KCND3: variants seen among roughly 807,000 people sequenced by gnomAD.
KCND3 encodes the protein A-type voltage-gated potassium channel KCND3.
In KCND3, 9 loss-of-function variants were observed where a neutral mutation model predicts 51.1. The observed-to-expected ratio is 0.18, with a 90% CI of 0.11 to 0.31. The LOEUF (loss-of-function observed/expected upper bound fraction) is 0.31, where lower values mean the gene tolerates loss of function less well. KCND3 is among the 10% of genes least tolerant of loss of function. The pLI is 1.00. For missense variants in KCND3, 526 were observed against 903.8 expected, an observed-to-expected ratio of 0.58 and a Z score of 5.36; for synonymous variants, 349 against 368.0, an observed-to-expected ratio of 0.95 and a Z score of 0.59.
At chr1:111,858,763 A>G (rs1413544883) in intron 2 of KCND3, among the ~76,000 whole-genome samples, 1 of 152,034 alleles carries the variant, frequency 6.6e-6, no homozygotes, top group Non-Finnish European at 1.5e-5. Flanking sequence ...AAGGCCTTCC[A>G]TGATCTGACT....
chr1:111,788,894 AC>A (rs1478167909), intron 2 of KCND3, among the ~76,000 whole-genome samples: 2 of 152,250 alleles, frequency 1.3e-5, no homozygotes, highest in African/African-American at 4.8e-5. Context: ...ATACAGCTCC[AC>A]AAACAATAGA....
chr1:111,972,713 T>A (rs1054282579), intron 2 of KCND3, among the ~76,000 whole-genome samples: 2 of 152,206 alleles, frequency 1.3e-5, no homozygotes, highest in African/African-American at 4.8e-5. Flanking sequence ...TCTTGTACAC[T>A]CTCATGGACA....
intron 2 of KCND3, among the ~76,000 whole-genome samples, chr1:111,789,111 C>G (rs919619928): frequency 6.6e-6 from 1 of 152,204 alleles, no homozygotes; most frequent in Non-Finnish European, 1.5e-5. Context: ...GAAAATAAAG[C>G]ATGGCAGGAG....
chr1:111,937,795 C>T (rs1672294589), intron 2 of KCND3, among the ~76,000 whole-genome samples: 1 of 152,200 alleles, frequency 6.6e-6, no homozygotes, highest in Non-Finnish European at 1.5e-5. Context: ...TCCATCCATT[C>T]CCTGGGTAGG....
chr1:111,872,415 G>A (rs1668863947), intron 2 of KCND3, among the ~76,000 whole-genome samples: 3 of 152,182 alleles, frequency 2.0e-5, no homozygotes, highest in Admixed American at 2.0e-4. Context: ...TAAATCCAAT[G>A]TTTTCTAAAT....
rs191525680 is a variant in KCND3 at position 111,965,207 on chromosome 1, G to C, written c.1106+16414C>G. Among the ~76,000 whole-genome samples the C allele has an allele frequency of 2.3e-3, 356 of 151,968 alleles. 4 individuals carry two copies. The highest frequency in any genetic ancestry group is 8.3e-3 in the African/African-American group (345 of 41,428). The stretch of plus-strand genomic sequence containing the variant: ...ACAGAGTTGCTTTCTGAGTAAAAGG[G>C]GTGTGGAGGTTGGGTCAGAGGCTCA... On this transcript the variant is annotated intron_variant, in intron 2 of 7. Coordinates refer to ENST00000302127, the MANE Select transcript of KCND3 (RefSeq NM_001378969.1).
At chr1:111,912,111 C>T (rs1013644974) in intron 2 of KCND3, among the ~76,000 whole-genome samples, 5 of 152,228 alleles carry the variant, frequency 3.3e-5, no homozygotes, top group Non-Finnish European at 7.3e-5. Flanking sequence ...AAAGAACCAT[C>T]GCAAAGCACT....
At chr1:111,866,464 C>T (rs1668576948) in intron 2 of KCND3, among the ~76,000 whole-genome samples, 1 of 151,910 alleles carries the variant, frequency 6.6e-6, no homozygotes, top group African/African-American at 2.4e-5. Flanking sequence ...AGAGTTTTGC[C>T]ATGTTGCCCA....
At chr1:111,783,199 CAAAAAA>C (rs67241053) in intron 3 of KCND3, among the ~76,000 whole-genome samples, 80 of 72,340 alleles carry the variant, frequency 1.1e-3, no homozygotes, top group Non-Finnish European at 2.0e-3. Context: ...AATTCAAAGA[CAAAAAA>C]AAAAAAAAAA....
intron 2 of KCND3, among the ~76,000 whole-genome samples, chr1:111,826,441 A>G (rs886383675): frequency 6.6e-6 from 1 of 152,132 alleles, no homozygotes. Flanking sequence ...CTTGACTTTC[A>G]ACTTTCAGGT....
intron 2 of KCND3, among the ~76,000 whole-genome samples, chr1:111,900,571 C>G (rs1670336844): frequency 6.6e-6 from 1 of 152,188 alleles, no homozygotes; most frequent in Non-Finnish European, 1.5e-5. Context: ...GAGTCTATTT[C>G]CTCATCTGTA....
At chr1:111,796,226 A>G (rs1016874747) in intron 2 of KCND3, among the ~76,000 whole-genome samples, 1 of 152,080 alleles carries the variant, frequency 6.6e-6, no homozygotes, top group Non-Finnish European at 1.5e-5. Context: ...CTTTCGTTGC[A>G]ATTACTTTCG....
chr1:111,877,602 A>G (rs1343330494), intron 2 of KCND3, among the ~76,000 whole-genome samples: 1 of 152,242 alleles, frequency 6.6e-6, no homozygotes. Flanking sequence ...ATCTCGTGCC[A>G]CAAGGGTCAA....
chr1:111,963,736 G>A (rs1286702169), intron 2 of KCND3, among the ~76,000 whole-genome samples: 1 of 152,230 alleles, frequency 6.6e-6, no homozygotes, highest in Non-Finnish European at 1.5e-5. Flanking sequence ...GACCTCAGGA[G>A]AGACTTCCTG....
At chr1:111,783,354 A>G (rs1664471426) in intron 3 of KCND3, among the ~76,000 whole-genome samples, 1 of 152,160 alleles carries the variant, frequency 6.6e-6, no homozygotes, top group Non-Finnish European at 1.5e-5. Flanking sequence ...TTCCACCATC[A>G]GACAAGTTTC....
intron 2 of KCND3, among the ~76,000 whole-genome samples, chr1:111,789,971 A>G (rs961132733): frequency 2.0e-5 from 3 of 152,190 alleles, no homozygotes; most frequent in African/African-American, 7.2e-5. Flanking sequence ...AAGATTACCA[A>G]CTATGGTCCT....
chr1:111,913,003 C>T (rs994509307), intron 2 of KCND3, among the ~76,000 whole-genome samples: 25 of 152,192 alleles, frequency 1.6e-4, no homozygotes, highest in African/African-American at 6.0e-4. Flanking sequence ...ACAGTAATGT[C>T]TCAGGCCTTC....
intron 2 of KCND3, among the ~76,000 whole-genome samples, chr1:111,959,256 C>A (rs1386367560): frequency 6.6e-6 from 1 of 152,186 alleles, no homozygotes; most frequent in East Asian, 1.9e-4. Flanking sequence ...TCTAACCCCC[C>A]ATAAACCCTC....
intron 2 of KCND3, among the ~76,000 whole-genome samples, chr1:111,916,585 G>A (rs12137682): frequency 0.048 from 7,364 of 152,128 alleles, 221 homozygotes; most frequent in Non-Finnish European, 0.067. Context: ...TCAATGAACA[G>A]AAAGGCAAAG....
Sources: allele counts gnomAD v4.1 joint callset (sites outside exome capture counted in the v4.1 genomes callset), GRCh38; gene constraint gnomAD v4.1.1; transcripts MANE v1.5; gene names NCBI Gene and HGNC (gene_info 2026-07-23, HGNC 2026-07-21).